Variants in DPP10 observed in about 807,000 individuals in gnomAD.
DPP10 encodes the protein inactive dipeptidyl peptidase 10.
DPP10 carries 33 observed loss-of-function variants against 120.9 expected under a neutral mutation model. That is an observed-to-expected ratio of 0.27 (90% CI 0.21 to 0.37). The LOEUF is 0.37. DPP10 is among the 10% of genes least tolerant of loss of function. The probability of loss-of-function intolerance (pLI) is 1.00; values close to 1 mark genes in which losing one functional copy is unlikely to be tolerated. For synonymous variants in DPP10, 337 were observed against 326.1 expected (o/e 1.03, Z -0.36); for missense variants, 816 against 942.8 (o/e 0.87, Z 1.76).
At chr2:115,194,205 G>A (rs961454922) in intron 1 of DPP10, among the ~76,000 whole-genome samples, 6 of 151,556 alleles carry the variant, frequency 4.0e-5, no homozygotes, top group African/African-American at 9.7e-5. Flanking sequence ...GGCCATCTGC[G>A]GGTTACTGGG....
intron 1 of DPP10, among the ~76,000 whole-genome samples, chr2:114,566,647 C>T (rs972641660): frequency 2.6e-5 from 4 of 152,056 alleles, no homozygotes; most frequent in South Asian, 4.1e-4. Context: ...ATGCTATTTC[C>T]GTGTACCAGG....
At chr2:114,840,839 A>G (rs1374279554) in intron 1 of DPP10, among the ~76,000 whole-genome samples, 1 of 152,108 alleles carries the variant, frequency 6.6e-6, no homozygotes, top group Non-Finnish European at 1.5e-5. Flanking sequence ...TGAACCTTAT[A>G]TGTGTTTCCT....
At chr2:115,814,281 C>G (rs899228616) in intron 19 of DPP10, among the ~76,000 whole-genome samples, 1 of 151,918 alleles carries the variant, frequency 6.6e-6, no homozygotes, top group Non-Finnish European at 1.5e-5. Flanking sequence ...CAAAACAATT[C>G]AGGAAATACT....
chr2:115,696,902 A>G (rs1324627730), intron 7 of DPP10, among the ~76,000 whole-genome samples: 2 of 152,190 alleles, frequency 1.3e-5, no homozygotes, highest in African/African-American at 4.8e-5. Flanking sequence ...CTTTGGATGT[A>G]CAATATACAA....
intron 20 of DPP10, 94 bp from the exon 21 acceptor site, chr2:115,815,581 T>A (rs1687133910): frequency 1.9e-6 from 2 of 1,062,240 alleles, no homozygotes; most frequent in Non-Finnish European, 2.7e-6. Flanking sequence ...TTCTAGTCAT[T>A]AGCTATTGTT....
intron 5 of DPP10, among the ~76,000 whole-genome samples, chr2:115,574,947 T>C (rs1368375687): frequency 1.3e-5 from 2 of 152,194 alleles, no homozygotes; most frequent in Non-Finnish European, 2.9e-5. Context: ...CAGAGATGCC[T>C]AGAAAGAAAG....
At chr2:114,768,367 C>A (rs1433449758) in intron 1 of DPP10, among the ~76,000 whole-genome samples, 1 of 152,016 alleles carries the variant, frequency 6.6e-6, no homozygotes, top group Non-Finnish European at 1.5e-5. Flanking sequence ...AGTGTGTAAG[C>A]AAATATAACA....
rs541265751 is a variant in DPP10, at chr2:115,765,111, A to G, written c.1113+2501A>G. ...ACCATCTGTGTGGAGCTGAATGTTTATCACCAGACATTGTCAAGTGTTGGG... is the reference window on the plus strand; with the variant it reads ...ACCATCTGTGTGGAGCTGAATGTTTGTCACCAGACATTGTCAAGTGTTGGG... On this transcript the variant is annotated intron_variant, in intron 12 of 25. Transcript: ENST00000410059. Among the ~76,000 whole-genome samples the G allele has an allele frequency of 2.0e-5, 3 of 152,242 alleles. No homozygotes were observed. The East Asian group carries it at 5.8e-4, about 29-fold the overall frequency.
intron 1 of DPP10, among the ~76,000 whole-genome samples, chr2:114,760,159 A>C (rs1164914438): frequency 6.6e-6 from 1 of 152,202 alleles, no homozygotes; most frequent in Non-Finnish European, 1.5e-5. Context: ...TTTACCAGGC[A>C]GGTGCGTCCA....
chr2:115,209,820 T>C (rs1056570319), intron 1 of DPP10, among the ~76,000 whole-genome samples: 14 of 152,114 alleles, frequency 9.2e-5, no homozygotes, highest in African/African-American at 3.1e-4. Flanking sequence ...ATTACACATA[T>C]GTCTTAAGTT....
At chr2:115,473,487 G>A (rs1282713257) in intron 3 of DPP10, among the ~76,000 whole-genome samples, 2 of 152,088 alleles carry the variant, frequency 1.3e-5, no homozygotes, top group African/African-American at 4.8e-5. Context: ...TTCCATTTCA[G>A]CCCAATTACA....
chr2:115,644,269 T>C (rs1439381750), intron 5 of DPP10, among the ~76,000 whole-genome samples: 1 of 152,096 alleles, frequency 6.6e-6, no homozygotes, highest in Non-Finnish European at 1.5e-5. Flanking sequence ...CCCATTAACT[T>C]GTCATTTACG....
intron 1 of DPP10, among the ~76,000 whole-genome samples, chr2:115,153,178 A>T (rs1359246205): frequency 6.6e-6 from 1 of 152,214 alleles, no homozygotes; most frequent in African/African-American, 2.4e-5. Flanking sequence ...CCAGAGGAAG[A>T]TACTAGTCCT....
chr2:115,454,983 CA>C (rs911114298), intron 3 of DPP10, among the ~76,000 whole-genome samples: 7 of 149,760 alleles, frequency 4.7e-5, no homozygotes, highest in East Asian at 2.0e-4. Context: ...ATAAGATACA[CA>C]AAAAAATTAA....
At chr2:115,593,936 G>A (rs762852248) in intron 5 of DPP10, among the ~76,000 whole-genome samples, 21 of 152,162 alleles carry the variant, frequency 1.4e-4, no homozygotes, top group Non-Finnish European at 2.1e-4. Flanking sequence ...TTCAAGCCCA[G>A]CCAATAACTT....
intron 3 of DPP10, among the ~76,000 whole-genome samples, chr2:115,491,460 A>G (rs2076118525): frequency 6.6e-6 from 1 of 151,964 alleles, no homozygotes; most frequent in Non-Finnish European, 1.5e-5. Flanking sequence ...GTGAGTATAT[A>G]TTTGTTTTAG....
At chr2:115,350,729 A>G (rs1359155126) in intron 3 of DPP10, among the ~76,000 whole-genome samples, 3 of 152,128 alleles carry the variant, frequency 2.0e-5, no homozygotes, top group Admixed American at 2.0e-4. Context: ...CTTTCCCAAT[A>G]GATTGAGACA....
chr2:114,923,479 T>C, intron 1 of DPP10, among the ~76,000 whole-genome samples: 1 of 122,402 alleles, frequency 8.2e-6, no homozygotes, highest in Non-Finnish European at 1.7e-5. Flanking sequence ...TTCCTTTTTT[T>C]TTTTTTTTTT....
intron 1 of DPP10, among the ~76,000 whole-genome samples, chr2:115,127,240 T>G (rs553291202): frequency 6.6e-6 from 1 of 152,356 alleles, no homozygotes; most frequent in South Asian, 2.1e-4. Context: ...TTGTTTCACC[T>G]ATGGAATACT....
Sources: allele counts gnomAD v4.1 joint callset (sites outside exome capture counted in the v4.1 genomes callset), GRCh38; gene constraint gnomAD v4.1.1; transcripts MANE v1.5; gene names NCBI Gene and HGNC (gene_info 2026-07-23, HGNC 2026-07-21).